ELK3: variants seen among roughly 807,000 people sequenced by gnomAD.
ELK3 encodes ETS transcription factor ELK3, also known as ETS domain-containing protein Elk-3.
ELK3 carries 10 observed loss-of-function variants against 28.9 expected under a neutral mutation model. The ratio of observed to expected loss-of-function variants is 0.35; its 90% confidence interval spans 0.21 to 0.59. The LOEUF is 0.59. Ranked by LOEUF, ELK3 falls within the 20% of genes least tolerant of loss-of-function variation. The pLI is 0.82. For synonymous variants in ELK3, 272 were observed against 243.5 expected (o/e 1.12, Z -1.09); for missense variants, 463 against 517.3 (o/e 0.90, Z 1.02).
intron 2 of ELK3, among the ~76,000 whole-genome samples, chr12:96,230,811 C>T (rs1951735444): frequency 6.6e-6 from 1 of 152,182 alleles, no homozygotes; most frequent in East Asian, 1.9e-4. Context: ...GCGGAGTGCA[C>T]GTGACGCAGG....
Position 96,242,698 on chromosome 12 carries a change from C to T in ELK3, c.208-4242C>T, listed in dbSNP as rs566005566. On this transcript the variant is annotated intron_variant, in intron 2 of 4. Transcript: ENST00000228741. ...CTGTGGGGGGCTTTCCTTACCAGCT[C>T]CCCTCGTCTAGCAGATGTCCCCGGT... Among the ~76,000 whole-genome samples, 42 of 152,282 alleles carry T rather than the reference C, an allele frequency of 2.8e-4. No individual in the cohort carries two copies. The South Asian group carries it at 5.6e-3, about 20-fold the overall frequency.
At chr12:96,259,138 TAAC>T (rs879809632) in intron 3 of ELK3, among the ~76,000 whole-genome samples, 5 of 152,212 alleles carry the variant, frequency 3.3e-5, no homozygotes, top group Admixed American at 1.3e-4. Flanking sequence ...GGGAACAAGT[TAAC>T]AAACCATTCG....
At chr12:96,244,447 ATTT>A (rs34067649) in intron 2 of ELK3, among the ~76,000 whole-genome samples, 7 of 139,592 alleles carry the variant, frequency 5.0e-5, no homozygotes, top group Non-Finnish European at 4.7e-5. Flanking sequence ...GAAAATTAGA[ATTT>A]TTTTTTTTTT....
At chr12:96,223,467 G>C in intron 1 of ELK3, 98 bp from the exon 2 acceptor site, 1 of 1,129,986 alleles carries the variant, frequency 8.8e-7, no homozygotes. Context: ...GGGGAAGGAG[G>C]GGACAGCTGA....
intron 1 of ELK3, among the ~76,000 whole-genome samples, chr12:96,207,086 G>C (rs1377539043): frequency 6.6e-6 from 1 of 152,194 alleles, no homozygotes; most frequent in Non-Finnish European, 1.5e-5. Flanking sequence ...ACACCAAGCT[G>C]TTTTAAAATG....
chr12:96,218,710 G>T (rs1345635678), intron 1 of ELK3, among the ~76,000 whole-genome samples: 2 of 148,646 alleles, frequency 1.3e-5, no homozygotes, highest in Non-Finnish European at 3.0e-5. Flanking sequence ...GTGTAGTGGC[G>T]CGATCTTGCC....
chr12:96,244,047 A>G (rs1417256846), intron 2 of ELK3, among the ~76,000 whole-genome samples: 3 of 151,816 alleles, frequency 2.0e-5, no homozygotes, highest in Non-Finnish European at 4.4e-5. Flanking sequence ...GTTTAATGAA[A>G]TTGAGGCCCA....
chr12:96,244,882 G>C (rs1176851959), intron 2 of ELK3, among the ~76,000 whole-genome samples: 1 of 152,198 alleles, frequency 6.6e-6, no homozygotes, highest in African/African-American at 2.4e-5. Flanking sequence ...CAAAGTCCAG[G>C]TGGAAAACAT....
At position 96,266,321 on chromosome 12, in the gene ELK3, G is replaced by C. The variant is rs117677459; in HGVS notation, c.1126-761G>C. 1.3e-3 allele frequency among the ~76,000 whole-genome samples: 201 copies of C among 152,276 alleles called. 4 individuals are homozygous for C. The East Asian group carries it at 0.034, about 26-fold the overall frequency. On this transcript the variant is annotated intron_variant, in intron 4 of 4. Transcript: ENST00000228741. ...AAAAGACAGCCCAGGAGATCTTTTTGACACATCATCCTCAACAACGAAAAT... is the reference window on the plus strand; with the variant it reads ...AAAAGACAGCCCAGGAGATCTTTTTCACACATCATCCTCAACAACGAAAAT...
chr12:96,266,483 A>G lies in ELK3; in HGVS notation c.1126-599A>G, dbSNP rs544605881. 3.3e-5 allele frequency among the ~76,000 whole-genome samples: 5 copies of G among 152,200 alleles called. No individual in the cohort carries two copies. In the East Asian group the frequency reaches 9.6e-4, roughly 29 times the overall value. On this transcript the variant is annotated intron_variant, in intron 4 of 4. Transcript: ENST00000228741. ...ATTTATCATCTTAGTGAACAACAAT[A>G]CAGAAATCTTATTCTTTGTCACTTA...
chr12:96,201,155 T>G (rs1220243894), intron 1 of ELK3, among the ~76,000 whole-genome samples: 2 of 151,740 alleles, frequency 1.3e-5, no homozygotes, highest in African/African-American at 4.8e-5. Flanking sequence ...TTCCTCATCA[T>G]ACAGTAAGAG....
chr12:96,214,851 G>T (rs1384184597), intron 1 of ELK3, among the ~76,000 whole-genome samples: 4 of 152,014 alleles, frequency 2.6e-5, no homozygotes, highest in Middle Eastern at 3.4e-3. Flanking sequence ...TGAGGTACAG[G>T]GTTCATTTTC....
At chr12:96,220,634 C>T (rs1951655746) in intron 1 of ELK3, among the ~76,000 whole-genome samples, 1 of 152,082 alleles carries the variant, frequency 6.6e-6, no homozygotes, top group Non-Finnish European at 1.5e-5. Flanking sequence ...TCAGGTAATC[C>T]ACCTGCCTCA....
chr12:96,264,211 C>T (rs1358078657), intron 4 of ELK3, among the ~76,000 whole-genome samples: 4 of 152,104 alleles, frequency 2.6e-5, no homozygotes, highest in Admixed American at 6.5e-5. Context: ...TTTTGAACTC[C>T]TGGGCTCGAG....
chr12:96,203,215 A>G (rs1951517759), intron 1 of ELK3, among the ~76,000 whole-genome samples: 1 of 152,208 alleles, frequency 6.6e-6, no homozygotes, highest in African/African-American at 2.4e-5. Flanking sequence ...TCTTTCTGAA[A>G]TAGGGCTGGT....
intron 3 of ELK3, among the ~76,000 whole-genome samples, chr12:96,251,521 G>C (rs1951906439): frequency 6.6e-6 from 1 of 152,156 alleles, no homozygotes; most frequent in African/African-American, 2.4e-5. Flanking sequence ...GTCCAAAACC[G>C]AGACAGGCCT....
intron 1 of ELK3, among the ~76,000 whole-genome samples, chr12:96,218,253 T>G (rs1592674839): frequency 6.6e-6 from 1 of 152,010 alleles, no homozygotes; most frequent in South Asian, 2.1e-4. Flanking sequence ...AAGGTTGAGG[T>G]GAGGTCAGAG....
chr12:96,199,480 C>CTGTG (rs10678770), intron 1 of ELK3, among the ~76,000 whole-genome samples: 38,504 of 146,252 alleles, frequency 0.26, 5,024 homozygotes, highest in East Asian at 0.37. Context: ...ATAAAATTAG[C>CTGTG]TGTGTGTGTG....
rs1413343859 is a variant in ELK3, at chr12:96,269,764, T to A, written c.*2584T>A. ...TTTTCTATGACTGCAAATCTTCACTTTATGTATCATTTTTACTGTCATATT... is the reference window on the plus strand; with the variant it reads ...TTTTCTATGACTGCAAATCTTCACTATATGTATCATTTTTACTGTCATATT... On this transcript the variant is annotated 3_prime_UTR_variant, in exon 5 of 5. Coordinates refer to ENST00000228741, the MANE Select transcript of ELK3 (RefSeq NM_005230.4). The A allele has an allele frequency of 2.6e-5, 4 of 152,348 alleles. No individual in the cohort carries two copies. The East Asian group carries it at 5.8e-4, about 22-fold the overall frequency. The allele number at this position is 152,348 out of a possible 1,614,324, so 9.4% of individuals were successfully genotyped here. A position where few individuals can be genotyped will look rare whatever the true frequency, so the allele number is the denominator to read the frequency against.
Sources: allele counts gnomAD v4.1 joint callset (sites outside exome capture counted in the v4.1 genomes callset), GRCh38; gene constraint gnomAD v4.1.1; transcripts MANE v1.5; gene names NCBI Gene and HGNC (gene_info 2026-07-23, HGNC 2026-07-21).